UGT3A1: variants seen among roughly 807,000 people sequenced by gnomAD.
UGT3A1 encodes the protein UDP-glycosyltransferase 3A1.
Under a neutral mutation model 37.6 loss-of-function variants are expected in UGT3A1, and 40 were observed. The observed-to-expected ratio is 1.06, with a 90% CI of 0.83 to 1.38. The LOEUF (loss-of-function observed/expected upper bound fraction) is 1.38. UGT3A1 is among the 40% of genes most tolerant of loss of function. The pLI is 0.00. For missense variants in UGT3A1, 642 were observed against 634.2 expected (o/e 1.01, Z -0.13); for synonymous variants, 256 against 232.3 (o/e 1.10, Z -0.93).
rs201821654 is a variant in UGT3A1 at position 35,954,496 on chromosome 5, G to C, written c.1296-18C>G. The stretch of plus-strand genomic sequence containing the variant: ...ACTTGTACCTGTTGGCGGAGACAGA[G>C]AGGGTGTGTTACTGACGTAGCCTCA... On this transcript the variant is annotated intron_variant, in intron 6 of 6. Coordinates refer to ENST00000274278, the MANE Select transcript of UGT3A1 (RefSeq NM_152404.4). The C allele has an allele frequency of 6.2e-7, 1 of 1,611,466 alleles. No individual in the cohort carries two copies. Among genetic ancestry groups the C allele is most frequent in the South Asian group, 1.1e-5 (1 of 90,936 alleles).
At chr5:35,985,906 C>T (rs890824033) in intron 2 of UGT3A1, among the ~76,000 whole-genome samples, 1 of 152,030 alleles carries the variant, frequency 6.6e-6, no homozygotes, top group Non-Finnish European at 1.5e-5. Flanking sequence ...AAACAGTCAA[C>T]AAAATGAAAA....
Position 35,954,228 on chromosome 5 carries a change from C to T in UGT3A1, c.1546G>A (p.Gly516Arg). 1 of 1,614,138 alleles carries T rather than the reference C, an allele frequency of 6.2e-7. No homozygotes were observed. Among genetic ancestry groups the T allele is most frequent in the Non-Finnish European group, 8.5e-7 (1 of 1,180,022 alleles). ...LLGVVARWLR[G>R]ARKVKKT ...CATGTCTTCTTCACCTTCCTGGCCCCACGCAGCCACCTGGCCACCACACCC... is the reference window on the plus strand; with the variant it reads ...CATGTCTTCTTCACCTTCCTGGCCCTACGCAGCCACCTGGCCACCACACCC... The change falls in exon 7 of 7, where the codon GGG becomes AGG. Residue 516 changes from glycine to arginine, a missense_variant. Gly to Arg is a moderately radical substitution (Grantham distance 125, BLOSUM62 -2). Coordinates refer to ENST00000274278, the MANE Select transcript of UGT3A1 (RefSeq NM_152404.4).
chr5:35,969,476 C>T (rs1461704870), intron 2 of UGT3A1, among the ~76,000 whole-genome samples: 4 of 152,000 alleles, frequency 2.6e-5, no homozygotes, highest in African/African-American at 7.3e-5. Context: ...GAAAGGACAC[C>T]CATCCACCCA....
chr5:35,987,514 T>C (rs1015520295), intron 2 of UGT3A1, among the ~76,000 whole-genome samples: 1 of 152,154 alleles, frequency 6.6e-6, no homozygotes, highest in African/African-American at 2.4e-5. Flanking sequence ...AAGATGACCA[T>C]ATATTACTGC....
At chr5:35,994,092 CCTGT>C (rs1275158008), upstream of UGT3A1, among the ~76,000 whole-genome samples, 2 of 152,110 alleles carry the variant, frequency 1.3e-5, no homozygotes, top group African/African-American at 4.8e-5. Context: ...GGAAGGTGAG[CCTGT>C]CTGCTTTTGT....
rs573607845 is a variant in UGT3A1, at chr5:35,953,619, C to T, written c.*583G>A. 2.0e-5 allele frequency: 3 copies of T among 152,526 alleles called. No homozygotes were observed. Among genetic ancestry groups the T allele is most frequent in the Non-Finnish European group, 4.4e-5 (3 of 68,264 alleles). The allele number at this position is 152,526 out of a possible 1,614,324, so 9.4% of individuals were successfully genotyped here. ...GACAACTGTAAAAACTGAAATAAAG[C>T]AGTATCATCTGTGACCAACTGCAGG... On this transcript the variant is annotated 3_prime_UTR_variant, in exon 7 of 7. Coordinates refer to ENST00000274278, the MANE Select transcript of UGT3A1 (RefSeq NM_152404.4).
intron 2 of UGT3A1, among the ~76,000 whole-genome samples, chr5:35,978,616 G>C (rs4424017): frequency 0.24 from 36,316 of 151,986 alleles, 4,609 homozygotes; most frequent in Non-Finnish European, 0.28. Context: ...CCTCCCACCA[G>C]GTCCCTCCCA....
At chr5:35,973,206 T>G (rs1472145362) in intron 2 of UGT3A1, among the ~76,000 whole-genome samples, 2 of 152,224 alleles carry the variant, frequency 1.3e-5, no homozygotes, top group African/African-American at 4.8e-5. Flanking sequence ...TGAGTTATTT[T>G]GCTGAAAGAT....
intron 4 of UGT3A1, among the ~76,000 whole-genome samples, chr5:35,964,306 G>C (rs1379729938): frequency 6.6e-6 from 1 of 152,030 alleles, no homozygotes; most frequent in Non-Finnish European, 1.5e-5. Flanking sequence ...TTTTATTCAT[G>C]CAATTGAATC....
intron 4 of UGT3A1, 77 bp from the exon 5 acceptor site, chr5:35,957,496 T>C (rs2149950089): frequency 8.4e-7 from 1 of 1,197,044 alleles, no homozygotes; most frequent in Non-Finnish European, 1.2e-6. Flanking sequence ...ACCCAGTCTA[T>C]TTACTAAACA....
At chr5:35,971,116 A>G (rs1405239297) in intron 2 of UGT3A1, among the ~76,000 whole-genome samples, 1 of 152,188 alleles carries the variant, frequency 6.6e-6, no homozygotes, top group African/African-American at 2.4e-5. Flanking sequence ...CCTGGCCCAC[A>G]ATCACTGCCA....
upstream of UGT3A1, among the ~76,000 whole-genome samples, chr5:35,994,333 T>TTGTA (rs1741042523): frequency 2.9e-5 from 4 of 138,554 alleles, no homozygotes; most frequent in Admixed American, 1.5e-4. Flanking sequence ...TTTGTTTTGT[T>TTGTA]TGTGTGTGTG....
At chr5:35,962,881 C>T (rs1051263324) in intron 4 of UGT3A1, 2 of 702,498 alleles carry the variant, frequency 2.8e-6, no homozygotes, top group East Asian at 2.7e-5. Context: ...GGGTCAAAGC[C>T]ATCTCAGTGG....
chr5:35,952,938 C>T lies in UGT3A1; in HGVS notation c.*1264G>A, dbSNP rs1055630737. The T allele has an allele frequency of 6.6e-6, 1 of 152,156 alleles. No individual in the cohort carries two copies. Among genetic ancestry groups the T allele is most frequent in the Non-Finnish European group, 1.5e-5 (1 of 68,016 alleles). 9.4% of individuals were successfully genotyped at this position (152,156 alleles called of 1,614,324 possible). A position where few individuals can be genotyped will look rare whatever the true frequency, so the allele number is the denominator to read the frequency against. On this transcript the variant is annotated 3_prime_UTR_variant, in exon 7 of 7. Transcript: ENST00000274278. ...TGGTGGGGGGCATTCTCTATTTCTG[C>T]AGGAGCATTTGTAACAGTTTCATCT...
chr5:35,971,132 A>T lies in UGT3A1; in HGVS notation c.197-2999T>A, dbSNP rs887787770. On this transcript the variant is annotated intron_variant, in intron 2 of 6. Coordinates refer to ENST00000274278, the MANE Select transcript of UGT3A1 (RefSeq NM_152404.4). ...CTGGCCCACAATCACTGCCAGCAAG[A>T]CCATCATCATATCCAACTTTCCCTA... 2.6e-5 allele frequency among the ~76,000 whole-genome samples: 4 copies of T among 152,188 alleles called. No homozygotes were observed. The South Asian group carries it at 8.3e-4, about 31-fold the overall frequency.
chr5:35,988,626 G>T, intron 1 of UGT3A1, 75 bp from the exon 2 acceptor site: 1 of 1,155,952 alleles, frequency 8.7e-7, no homozygotes, highest in Non-Finnish European at 1.3e-6. Context: ...TAGGCAGGAG[G>T]GAATGGAAAT....
At chr5:35,966,961 A>G (rs752011423) in intron 3 of UGT3A1, among the ~76,000 whole-genome samples, 42 of 152,352 alleles carry the variant, frequency 2.8e-4, no homozygotes, top group Non-Finnish European at 5.0e-4. Context: ...AATTTTACAT[A>G]AAGAATGATT....
At chr5:35,975,632 A>G (rs563428238) in intron 2 of UGT3A1, among the ~76,000 whole-genome samples, 1 of 152,230 alleles carries the variant, frequency 6.6e-6, no homozygotes, top group African/African-American at 2.4e-5. Flanking sequence ...CCACCATCCT[A>G]AAGTGGCTGA....
Position 35,953,264 on chromosome 5 carries a change from A to T in UGT3A1, c.*938T>A, listed in dbSNP as rs1156876982. On this transcript the variant is annotated 3_prime_UTR_variant, in exon 7 of 7. Coordinates refer to ENST00000274278, the MANE Select transcript of UGT3A1 (RefSeq NM_152404.4). ...AAAGATATGGGCTATTGATGACATG[A>T]TGGAGCAACCAACCACAACAGCCCT... is the stretch of plus-strand genomic sequence containing the variant. The T allele has an allele frequency of 4.6e-5, 7 of 152,382 alleles. No homozygotes were observed. Among genetic ancestry groups the T allele is most frequent in the Non-Finnish European group, 8.8e-5 (6 of 68,044 alleles). The allele number at this position is 152,382 out of a possible 1,614,324, so 9.4% of individuals were successfully genotyped here.
Sources: allele counts gnomAD v4.1 joint callset (sites outside exome capture counted in the v4.1 genomes callset), GRCh38; gene constraint gnomAD v4.1.1; transcripts MANE v1.5; gene names NCBI Gene and HGNC (gene_info 2026-07-23, HGNC 2026-07-21).